Variants in FHIT observed in about 807,000 individuals in gnomAD.
FHIT encodes fragile histidine triad diadenosine triphosphatase.
Under a neutral mutation model 17.9 loss-of-function variants are expected in FHIT, and 19 were observed. The observed-to-expected ratio is 1.06, with a 90% CI of 0.74 to 1.56. FHIT has a LOEUF of 1.56. Among genes scored for constraint, FHIT ranks in the 40% most tolerant of loss-of-function variants. The pLI, the probability that FHIT is intolerant of heterozygous loss-of-function variation, is 0.00. For missense variants in FHIT, 248 were observed against 189.2 expected (o/e 1.31, Z -1.82); for synonymous variants, 81 against 69.7 (o/e 1.16, Z -0.81).
At chr3:60,092,152 T>C (rs920808487) in intron 5 of FHIT, among the ~76,000 whole-genome samples, 1 of 152,230 alleles carries the variant, frequency 6.6e-6, no homozygotes, top group Admixed American at 6.5e-5. Flanking sequence ...TGCCAGTATG[T>C]TGCAGATACT....
intron 2 of FHIT, among the ~76,000 whole-genome samples, chr3:61,050,712 G>A (rs1220234134): frequency 1.3e-5 from 2 of 152,180 alleles, no homozygotes; most frequent in African/African-American, 4.8e-5. Context: ...TATTAAAGCT[G>A]GATGATGCAC....
At chr3:59,959,473 G>A (rs1707562908) in intron 7 of FHIT, among the ~76,000 whole-genome samples, 1 of 152,122 alleles carries the variant, frequency 6.6e-6, no homozygotes, top group Non-Finnish European at 1.5e-5. Flanking sequence ...AATGATTTAG[G>A]ATACCAGCTC....
In FHIT at chr3:60,090,147, G is replaced by A. The variant is rs555020449; in HGVS notation, c.104-75995C>T. 5.3e-5 allele frequency among the ~76,000 whole-genome samples: 8 copies of A among 151,858 alleles called. No individual in the cohort carries two copies. The East Asian group carries it at 7.8e-4, about 15-fold the overall frequency. ...CTCTCCCATCTGCCCCCCACCCCAC[G>A]TACATCAATGGTCTACATGACAATG... On this transcript the variant is annotated intron_variant, in intron 5 of 9. Coordinates refer to ENST00000492590, the MANE Select transcript of FHIT (RefSeq NM_002012.4).
At chr3:61,029,246 C>T (rs2032888968) in intron 3 of FHIT, among the ~76,000 whole-genome samples, 1 of 152,138 alleles carries the variant, frequency 6.6e-6, no homozygotes, top group South Asian at 2.1e-4. Context: ...TAAAATTGAT[C>T]TGTACCAAGA....
chr3:60,092,791 A>G (rs183369073), intron 5 of FHIT, among the ~76,000 whole-genome samples: 4 of 152,336 alleles, frequency 2.6e-5, no homozygotes, highest in African/African-American at 9.6e-5. Flanking sequence ...AGAACTCTGT[A>G]AGCAAATCAA....
At chr3:60,014,976 A>AGTT (rs1299130289) in intron 5 of FHIT, among the ~76,000 whole-genome samples, 1 of 151,548 alleles carries the variant, frequency 6.6e-6, no homozygotes, top group Admixed American at 6.6e-5. Context: ...TTACACCATC[A>AGTT]ATAACATTTC....
rs72883949 is a variant in FHIT, at chr3:60,524,890, A to G, written c.103+11970T>C. On this transcript the variant is annotated intron_variant, in intron 5 of 9. Transcript: ENST00000492590. ...CACATCCACAAAGACCCCTTTCCTAATAAGGTACCATTCACAGGTTTCAAG... is the reference window on the plus strand; with the variant it reads ...CACATCCACAAAGACCCCTTTCCTAGTAAGGTACCATTCACAGGTTTCAAG... Among the ~76,000 whole-genome samples, 923 of 152,286 alleles carry G rather than the reference A, an allele frequency of 6.1e-3. 14 individuals carry two copies. The highest frequency in any genetic ancestry group is 0.021 in the African/African-American group (865 of 41,550).
At chr3:60,065,660 T>C (rs1702468555) in intron 5 of FHIT, among the ~76,000 whole-genome samples, 2 of 152,300 alleles carry the variant, frequency 1.3e-5, no homozygotes, top group South Asian at 2.1e-4. Context: ...GTCAGTCTAT[T>C]GAGTTTTTAT....
At chr3:60,380,404 C>A (rs1700748853) in intron 5 of FHIT, among the ~76,000 whole-genome samples, 3 of 152,298 alleles carry the variant, frequency 2.0e-5, no homozygotes, top group African/African-American at 7.2e-5. Flanking sequence ...TGCTTGTACA[C>A]CCTGCAGAAC....
At chr3:60,167,722 A>G (rs1436740522) in intron 5 of FHIT, among the ~76,000 whole-genome samples, 2 of 152,236 alleles carry the variant, frequency 1.3e-5, no homozygotes, top group African/African-American at 4.8e-5. Flanking sequence ...CTAGCTTTAG[A>G]TAATAACATT....
At chr3:60,010,721 A>G (rs759860083) in intron 7 of FHIT, among the ~76,000 whole-genome samples, 1 of 152,138 alleles carries the variant, frequency 6.6e-6, no homozygotes, top group African/African-American at 2.4e-5. Flanking sequence ...GGATTTTATT[A>G]TTTTATTTTT....
chr3:60,446,563 A>G (rs1051705742), intron 5 of FHIT, among the ~76,000 whole-genome samples: 1 of 152,074 alleles, frequency 6.6e-6, no homozygotes, highest in Non-Finnish European at 1.5e-5. Flanking sequence ...CAGCCCTAGG[A>G]GACTATCAAA....
At chr3:60,248,542 C>T (rs867223166) in intron 5 of FHIT, among the ~76,000 whole-genome samples, 12 of 152,058 alleles carry the variant, frequency 7.9e-5, no homozygotes, top group Admixed American at 5.2e-4. Flanking sequence ...ATTTCGTTTC[C>T]ATTTGAATTC....
At chr3:60,511,064 T>C (rs1019753261) in intron 5 of FHIT, among the ~76,000 whole-genome samples, 9 of 152,012 alleles carry the variant, frequency 5.9e-5, no homozygotes, top group African/African-American at 2.2e-4. Flanking sequence ...TACAGCAGAG[T>C]GGTCAAGAAT....
intron 2 of FHIT, among the ~76,000 whole-genome samples, chr3:61,090,583 A>G (rs534016635): frequency 1.1e-4 from 17 of 152,298 alleles, no homozygotes; most frequent in Middle Eastern, 3.4e-3. Context: ...TGGGCCTCCC[A>G]GTGGGTGTCA....
chr3:60,552,519 G>A (rs2036594762), intron 4 of FHIT, among the ~76,000 whole-genome samples: 1 of 152,158 alleles, frequency 6.6e-6, no homozygotes, highest in Admixed American at 6.5e-5. Flanking sequence ...TAATTGGTCT[G>A]GCTGAGACCT....
At chr3:60,209,098 T>G (rs991898771) in intron 5 of FHIT, among the ~76,000 whole-genome samples, 1 of 152,126 alleles carries the variant, frequency 6.6e-6, no homozygotes, top group African/African-American at 2.4e-5. Context: ...AATTTCAAAA[T>G]AGAACCTAAA....
intron 5 of FHIT, among the ~76,000 whole-genome samples, chr3:60,288,456 A>G (rs993915627): frequency 1.8e-4 from 27 of 152,142 alleles, no homozygotes; most frequent in African/African-American, 5.5e-4. Flanking sequence ...CTACCTCACA[A>G]TGTTGGTGGA....
intron 1 of FHIT, among the ~76,000 whole-genome samples, chr3:61,202,994 T>C (rs111938895): frequency 6.6e-6 from 1 of 151,750 alleles, no homozygotes; most frequent in African/African-American, 2.4e-5. Context: ...TCCTGGCTAA[T>C]ATGGTGAAAC....
Sources: allele counts gnomAD v4.1 joint callset (sites outside exome capture counted in the v4.1 genomes callset), GRCh38; gene constraint gnomAD v4.1.1; transcripts MANE v1.5; gene names NCBI Gene and HGNC (gene_info 2026-07-23, HGNC 2026-07-21).